The following NRK variants were observed in gnomAD, a reference collection of about 807,000 sequenced individuals.
The protein encoded by NRK is Nik related kinase, also known as nik-related protein kinase.
Under a neutral mutation model 125.2 loss-of-function variants are expected in NRK, and 67 were observed. The ratio of observed to expected loss-of-function variants is 0.54; its 90% CI spans 0.44 to 0.66. The LOEUF (loss-of-function observed/expected upper bound fraction) is 0.66, where lower values mean the gene tolerates loss of function less well. Among genes scored for constraint, NRK ranks in the 30% least tolerant of loss-of-function variants. The pLI, the probability that NRK is intolerant of heterozygous loss-of-function variation, is 0.00. For missense variants in NRK, 1,224 were observed against 1,192.9 expected (o/e 1.03, Z -0.38); for synonymous variants, 458 against 429.0 (o/e 1.07, Z -0.84).
At chrX:105,848,922 A>G (rs2039434859) in intron 2 of NRK, among the ~76,000 whole-genome samples, 2 of 112,116 alleles carry the variant, frequency 1.8e-5, no homozygotes, top group Non-Finnish European at 3.8e-5. Context: ...ATTATTATGT[A>G]AAATTTTGAT....
At chrX:105,822,930 G>A in intron 1 of NRK, 28 bp downstream of exon 1, 4 of 1,128,725 alleles carry the variant, frequency 3.5e-6, no homozygotes, top group Non-Finnish European at 4.8e-6. Flanking sequence ...GTCGCCCCCC[G>A]AAATGCTCTC....
At chrX:105,949,246 A>G (rs12557581) in intron 26 of NRK, among the ~76,000 whole-genome samples, 21,503 of 111,531 alleles carry the variant, frequency 0.19, 1,549 homozygotes, top group Middle Eastern at 0.3. Flanking sequence ...ACCCAAGTCT[A>G]TAACAAGTAG....
chrX:105,927,862 G>A (rs1265026459), intron 19 of NRK, among the ~76,000 whole-genome samples: 1 of 111,080 alleles, frequency 9.0e-6, no homozygotes. Flanking sequence ...TTTTGATATG[G>A]TATTGGATTC....
chrX:105,910,831 A>G (rs1027028922), intron 13 of NRK, among the ~76,000 whole-genome samples: 3 of 111,778 alleles, frequency 2.7e-5, no homozygotes, highest in Non-Finnish European at 3.8e-5. Context: ...AGTTGGCGTC[A>G]GTGGGGTCCT....
chrX:105,830,953 A>C, intron 1 of NRK, 101 bp from the exon 2 acceptor site: 2 of 515,385 alleles, frequency 3.9e-6, no homozygotes, highest in East Asian at 3.9e-5. Flanking sequence ...CGTTGTGCAC[A>C]TGTACCCTAG....
chrX:105,836,302 C>T (rs769994810), intron 2 of NRK, among the ~76,000 whole-genome samples: 4 of 111,972 alleles, frequency 3.6e-5, no homozygotes, highest in Admixed American at 9.5e-5. Flanking sequence ...ATACCATATG[C>T]TAGATCCTCC....
intron 11 of NRK, 43 bp from the exon 12 acceptor site, chrX:105,908,197 G>T: frequency 1.3e-6 from 1 of 763,396 alleles, no homozygotes; most frequent in Non-Finnish European, 1.9e-6. Context: ...ATGCTTATCT[G>T]CTGACTGTTT....
In NRK at chrX:105,900,151, T is replaced by TACACACACAC. The variant is rs202022404; in HGVS notation, c.712-433_712-424dup. Among the ~76,000 whole-genome samples the TACACACACAC allele has an allele frequency of 1.1e-3, 100 of 89,411 alleles. 4 individuals carry two copies. Among genetic ancestry groups the TACACACACAC allele is most frequent in the East Asian group, 7.6e-4 (2 of 2,642 alleles). The allele number at this position is 89,411 out of a possible 115,157, so 77.6% of individuals were successfully genotyped here. On this transcript the variant is annotated intron_variant, in intron 8 of 28. Coordinates refer to ENST00000243300, the MANE Select transcript of NRK (RefSeq NM_198465.4). ...TAGTATATTCCAGGAACTGCTGAAG[T>TACACACACAC]ACACACACACACACACACACACACA...
chrX:105,826,401 A>AAT (rs60024098), intron 1 of NRK, among the ~76,000 whole-genome samples: 19,864 of 77,741 alleles, frequency 0.26, 3,173 homozygotes, highest in African/African-American at 0.54. Flanking sequence ...ATATATATAT[A>AAT]ATATATATAT....
intron 2 of NRK, among the ~76,000 whole-genome samples, chrX:105,864,909 G>A (rs908757309): frequency 9.0e-6 from 1 of 110,582 alleles, no homozygotes; most frequent in African/African-American, 3.3e-5. Context: ...CAACAGTTTG[G>A]GCTGGAAGCA....
intron 20 of NRK, among the ~76,000 whole-genome samples, 157 bp from the exon 21 acceptor site, chrX:105,935,013 A>G (rs2040642768): frequency 9.0e-6 from 1 of 111,567 alleles, no homozygotes; most frequent in Non-Finnish European, 1.9e-5. Context: ...TCATTTGCGG[A>G]AACACTGTAG....
chrX:105,826,111 G>T (rs1569284464), intron 1 of NRK, among the ~76,000 whole-genome samples: 1 of 85,418 alleles, frequency 1.2e-5, no homozygotes, highest in African/African-American at 4.4e-5. Context: ...TATATGTTTG[G>T]GTGATATATA....
rs1226863677 is a variant in NRK, at chrX:105,888,391, G to A, written c.350G>A (p.Ser117Asn). 5.8e-6 allele frequency: 7 copies of A among 1,197,719 alleles called. No homozygotes were observed. The Admixed American group carries it at 6.7e-5, about 11-fold the overall frequency. Residue 117 changes from serine to asparagine, a missense_variant, in exon 5 of 29, where the codon AGT becomes AAT. Coordinates refer to ENST00000243300, the MANE Select transcript of NRK (RefSeq NM_198465.4). The stretch of plus-strand genomic sequence containing the variant: ...TTCTATGGAGCATTTTTCAAGCTGA[G>A]TCCCCCTGGTCAGCGGCACCAACTT... ...VSFYGAFFKL[S>N]PPGQRHQLWM...
chrX:105,935,073 C>T, intron 20 of NRK, 97 bp from the exon 21 acceptor site: 1 of 644,452 alleles, frequency 1.6e-6, no homozygotes, highest in Non-Finnish European at 2.4e-6. Flanking sequence ...TCTATAACTC[C>T]ATCAGGTGCA....
chrX:105,862,575 T>G (rs1478216600), intron 2 of NRK, among the ~76,000 whole-genome samples: 1 of 112,603 alleles, frequency 8.9e-6, no homozygotes, highest in Non-Finnish European at 1.9e-5. Context: ...CATGATTTTA[T>G]TTTGGTTGAG....
At chrX:105,895,125 A>G (rs2040064121) in intron 6 of NRK, 1 of 458,459 alleles carries the variant, frequency 2.2e-6, no homozygotes, top group African/African-American at 2.4e-5. Flanking sequence ...TCTTATGGCT[A>G]GTTGGAAATA....
At position 105,845,008 on chromosome X, in the gene NRK, T is replaced by A. The variant is rs893272710; in HGVS notation, c.123+13889T>A. On this transcript the variant is annotated intron_variant, in intron 2 of 28. Transcript: ENST00000243300. Reference sequence around the variant, plus strand: ...ATTTTATATATCATTATGCACTTGGTAGAAAACTACAATTCGTGAATTGTA... The same window carrying A: ...ATTTTATATATCATTATGCACTTGGAAGAAAACTACAATTCGTGAATTGTA... Among the ~76,000 whole-genome samples, 18 of 111,597 alleles carry A rather than the reference T, an allele frequency of 1.6e-4. No homozygotes were observed. The Admixed American group carries it at 1.7e-3, about 11-fold the overall frequency.
At chrX:105,924,617 T>A (rs1383267059) in intron 18 of NRK, 78 bp from the exon 19 acceptor site, 3 of 824,079 alleles carry the variant, frequency 3.6e-6, no homozygotes, top group Non-Finnish European at 5.2e-6. Flanking sequence ...AGACACATCC[T>A]AATTCTGTTG....
In NRK at chrX:105,922,002, A is replaced by G. The variant is rs1249772553; in HGVS notation, c.2551A>G (p.Arg851Gly). Residue 851 changes from arginine (R) to glycine (G), a missense_variant, in exon 17 of 29, where the codon AGG becomes GGG. Transcript: ENST00000243300. ...SEEESPVTGR[R>G]SQSSPPYSTI... The stretch of plus-strand genomic sequence containing the variant: ...GGAAGAAAGTCCTGTGACTGGAAGG[A>G]GGTCTCAGTCATCACCACCTTATTC... 2 of 1,182,111 alleles carry G rather than the reference A, an allele frequency of 1.7e-6. No homozygotes were observed. The highest frequency in any genetic ancestry group is 2.3e-6 in the Non-Finnish European group (2 of 870,770).
Sources: gnomAD v4.1 joint callset for allele counts (sites outside exome capture counted in the v4.1 genomes callset) on GRCh38, gnomAD v4.1.1 for gene constraint, MANE v1.5 for transcripts, NCBI Gene and HGNC (gene_info 2026-07-23, HGNC 2026-07-21) for gene names.